Variants in ITGAV observed in about 807,000 individuals in gnomAD.
ITGAV encodes the protein integrin subunit alpha V.
In ITGAV, 76 loss-of-function variants were observed where a neutral mutation model predicts 143.8. The ratio of observed to expected loss-of-function variants is 0.53; its 90% CI spans 0.44 to 0.64. The LOEUF is 0.64. Ranked by LOEUF, ITGAV falls within the 30% of genes least tolerant of loss-of-function variation. The probability of loss-of-function intolerance (pLI) is 0.00; values close to 1 mark genes in which losing one functional copy is unlikely to be tolerated. For synonymous variants in ITGAV, 453 were observed against 446.7 expected, an observed-to-expected ratio of 1.01 and a Z score of -0.18; for missense variants, 1,193 against 1,274.7, an observed-to-expected ratio of 0.94 and a Z score of 0.98.
At chr2:186,648,388 T>C (rs764638514) in intron 13 of ITGAV, among the ~76,000 whole-genome samples, 2 of 152,228 alleles carry the variant, frequency 1.3e-5, no homozygotes, top group Non-Finnish European at 2.9e-5. Context: ...TGTGCTTCTT[T>C]TAAAATAATT....
At chr2:186,624,541 G>A (rs980789027) in intron 3 of ITGAV, among the ~76,000 whole-genome samples, 1 of 152,126 alleles carries the variant, frequency 6.6e-6, no homozygotes, top group African/African-American at 2.4e-5. Flanking sequence ...TACTTTCACT[G>A]TTTTCAGGGT....
chr2:186,602,952 G>T (rs1405583035), intron 2 of ITGAV, among the ~76,000 whole-genome samples: 1 of 151,142 alleles, frequency 6.6e-6, no homozygotes, highest in Non-Finnish European at 1.5e-5. Context: ...CATTTATCAA[G>T]ACTTTGTTGG....
chr2:186,670,594 C>T (rs1382744292), intron 26 of ITGAV, among the ~76,000 whole-genome samples: 2 of 152,168 alleles, frequency 1.3e-5, no homozygotes, highest in Non-Finnish European at 2.9e-5. Context: ...AACCACCATG[C>T]CCAGCACTGT....
chr2:186,663,290 A>T (rs1299861596), intron 18 of ITGAV, among the ~76,000 whole-genome samples: 1 of 152,104 alleles, frequency 6.6e-6, no homozygotes, highest in Non-Finnish European at 1.5e-5. Context: ...TTGCTGCTGA[A>T]TATCTACAGC....
Position 186,678,950 on chromosome 2 carries a change from G to T in ITGAV, c.*1658G>T. The T allele has an allele frequency of 2.8e-6, 1 of 353,660 alleles. No homozygotes were observed. The highest frequency in any genetic ancestry group is 5.5e-6 in the Non-Finnish European group (1 of 182,382). 21.9% of individuals were successfully genotyped at this position (353,660 alleles called of 1,614,324 possible). ...TATTCGTAAAATAGGAGCACATTTA[G>T]TTGAGGTATACAAGGTAGGACTCTA... On this transcript the variant is annotated 3_prime_UTR_variant, in exon 30 of 30. Transcript: ENST00000261023.
chr2:186,617,225 C>A (rs1003355285), intron 2 of ITGAV, among the ~76,000 whole-genome samples: 2 of 152,094 alleles, frequency 1.3e-5, no homozygotes, highest in Admixed American at 6.5e-5. Flanking sequence ...GTGACATAAT[C>A]TTGTTCCAAG....
At chr2:186,601,646 C>A (rs1324474248) in intron 1 of ITGAV, among the ~76,000 whole-genome samples, 1 of 151,764 alleles carries the variant, frequency 6.6e-6, no homozygotes, top group African/African-American at 2.4e-5. Flanking sequence ...CACATGCACA[C>A]ACACACACAC....
intron 17 of ITGAV, among the ~76,000 whole-genome samples, chr2:186,657,934 T>C (rs944991215): frequency 6.0e-5 from 9 of 150,224 alleles, no homozygotes; most frequent in African/African-American, 1.9e-4. Context: ...ACTTCTCAAT[T>C]TTAAATAGCT....
chr2:186,636,567 C>T (rs1041368845), intron 7 of ITGAV, among the ~76,000 whole-genome samples: 7 of 152,152 alleles, frequency 4.6e-5, no homozygotes, highest in Non-Finnish European at 7.4e-5. Context: ...GGCACTGAGA[C>T]GCAAAATAAC....
chr2:186,651,450 TA>T (rs1421971441), intron 14 of ITGAV, among the ~76,000 whole-genome samples: 1 of 152,020 alleles, frequency 6.6e-6, no homozygotes, highest in Admixed American at 6.6e-5. Context: ...GAAGGGTATA[TA>T]AAAAAAAGTT....
At chr2:186,636,389 A>G (rs1023787801) in intron 7 of ITGAV, among the ~76,000 whole-genome samples, 182 bp downstream of exon 7, 1 of 152,182 alleles carries the variant, frequency 6.6e-6, no homozygotes, top group African/African-American at 2.4e-5. Context: ...CAGTAATTGA[A>G]ATTGAAGACA....
At chr2:186,672,860 G>A (rs1304694070) in intron 26 of ITGAV, among the ~76,000 whole-genome samples, 1 of 152,122 alleles carries the variant, frequency 6.6e-6, no homozygotes, top group Non-Finnish European at 1.5e-5. Context: ...GTCTCATTCT[G>A]TGTGAACTGT....
intron 26 of ITGAV, among the ~76,000 whole-genome samples, chr2:186,670,965 T>C (rs1258535534): frequency 5.9e-5 from 9 of 152,212 alleles, no homozygotes; most frequent in Admixed American, 5.9e-4. Flanking sequence ...CTGGACCTCA[T>C]GCTTGACTCC....
chr2:186,665,967 G>A (rs1000979360), intron 21 of ITGAV, among the ~76,000 whole-genome samples: 2 of 152,058 alleles, frequency 1.3e-5, no homozygotes, highest in African/African-American at 4.8e-5. Flanking sequence ...AGTTTTTCAC[G>A]TGTATTCAAT....
Position 186,668,778 on chromosome 2 carries a change from C to G in ITGAV, c.2450C>G (p.Pro817Arg). The change falls in exon 25 of 30, where the codon CCA becomes CGA. Residue 817 changes from proline (P) to arginine (R), a missense_variant. Transcript: ENST00000261023. ...TCTCCTTAGCTGAGAAACAATGGTCCAAGTTCATTCAGCAAGGCAATGCTC... is the reference window on the plus strand; with the variant it reads ...TCTCCTTAGCTGAGAAACAATGGTCGAAGTTCATTCAGCAAGGCAATGCTC... ...QHIYELRNNGPSSFSKAMLHL... is the reference protein window; with the variant it reads ...QHIYELRNNGRSSFSKAMLHL... 6.2e-7 allele frequency: 1 copy of G among 1,612,980 alleles called. No homozygotes were observed. Among genetic ancestry groups the G allele is most frequent in the African/African-American group, 1.3e-5 (1 of 74,934 alleles).
At chr2:186,665,079 T>C in intron 20 of ITGAV, 47 bp from the exon 21 acceptor site, 1 of 1,196,480 alleles carries the variant, frequency 8.4e-7, no homozygotes, top group Non-Finnish European at 1.2e-6. Context: ...CGTGATACTT[T>C]ATTTCCTTTC....
intron 1 of ITGAV, among the ~76,000 whole-genome samples, chr2:186,592,481 A>G (rs1686640330): frequency 6.6e-6 from 1 of 152,128 alleles, no homozygotes; most frequent in South Asian, 2.1e-4. Context: ...AACAAAATAA[A>G]GTTGATGGCA....
At chr2:186,662,312 G>A (rs911198999) in intron 18 of ITGAV, among the ~76,000 whole-genome samples, 3 of 152,052 alleles carry the variant, frequency 2.0e-5, no homozygotes, top group African/African-American at 7.2e-5. Context: ...AAGGCTTATA[G>A]CAACTGCTTA....
At chr2:186,638,663 TG>T (rs1331668243) in intron 10 of ITGAV, among the ~76,000 whole-genome samples, 198 bp downstream of exon 10, 10 of 150,782 alleles carry the variant, frequency 6.6e-5, no homozygotes, top group African/African-American at 2.5e-4. Flanking sequence ...TGTGTGTGTG[TG>T]TGTGTGTAGT....
Sources: allele counts gnomAD v4.1 joint callset (sites outside exome capture counted in the v4.1 genomes callset), GRCh38; gene constraint gnomAD v4.1.1; transcripts MANE v1.5; gene names NCBI Gene and HGNC (gene_info 2026-07-23, HGNC 2026-07-21).